PPP2R1A: variants seen among roughly 807,000 people sequenced by gnomAD.
PPP2R1A encodes protein phosphatase 2 scaffold subunit Aalpha, also known as serine/threonine-protein phosphatase 2A 65 kDa regulatory subunit A alpha isoform.
PPP2R1A carries 15 observed loss-of-function variants against 67.1 expected under a neutral mutation model. The ratio of observed to expected loss-of-function variants is 0.22; its 90% CI spans 0.15 to 0.34. The LOEUF (loss-of-function observed/expected upper bound fraction) is 0.34. Ranked by LOEUF, PPP2R1A falls within the 10% of genes least tolerant of loss-of-function variation. The pLI is 1.00. For missense variants in PPP2R1A, 369 were observed against 775.0 expected (o/e 0.48, Z 6.22); for synonymous variants, 337 against 325.0 (o/e 1.04, Z -0.40).
intron 2 of PPP2R1A, among the ~76,000 whole-genome samples, chr19:52,203,064 T>C (rs1311065127): frequency 6.6e-6 from 1 of 152,222 alleles, no homozygotes; most frequent in African/African-American, 2.4e-5. Context: ...CAGCTGAAGG[T>C]TCAGAGTGCT....
In PPP2R1A at chr19:52,200,900, C is replaced by T. The variant is rs13346025; in HGVS notation, c.79-1044C>T. ...CGTTTAGGATGATATTATCTGGACA[C>T]ACTTAACTACGTCTGCAAAGACTGT... On this transcript the variant is annotated intron_variant, in intron 1 of 14. Coordinates refer to ENST00000322088, the MANE Select transcript of PPP2R1A (RefSeq NM_014225.6). Among the ~76,000 whole-genome samples, 969 of 151,572 alleles carry T rather than the reference C, an allele frequency of 6.4e-3. 13 individuals carry two copies. Among genetic ancestry groups the T allele is most frequent in the African/African-American group, 0.023 (933 of 40,826 alleles).
intron 1 of PPP2R1A, among the ~76,000 whole-genome samples, chr19:52,195,161 A>C (rs2089486987): frequency 6.6e-6 from 1 of 152,112 alleles, no homozygotes; most frequent in African/African-American, 2.4e-5. Flanking sequence ...GTGGATCTTC[A>C]AAAGTGGGTC....
rs1235909935 is a variant in PPP2R1A at position 52,201,963 on chromosome 19, A to G, written c.98A>G (p.Lys33Arg). 1 of 1,614,124 alleles carries G rather than the reference A, an allele frequency of 6.2e-7. No individual in the cohort carries two copies. Among genetic ancestry groups the G allele is most frequent in the Non-Finnish European group, 8.5e-7 (1 of 1,180,012 alleles). ...CATTAGCTTCGCCTCAACAGCATCA[A>G]GAAGCTGTCCACCATCGCCTTGGCC... ...EDVQLRLNSI[K>R]KLSTIALALG... Residue 33 changes from lysine to arginine, a missense_variant, in exon 2 of 15, where the codon AAG (lysine) becomes AGG (arginine). Coordinates refer to ENST00000322088, the MANE Select transcript of PPP2R1A (RefSeq NM_014225.6).
intron 1 of PPP2R1A, chr19:52,201,173 A>G (rs2089544594): frequency 6.6e-6 from 1 of 151,882 alleles, no homozygotes; most frequent in Non-Finnish European, 1.5e-5. Flanking sequence ...ACACTTAACT[A>G]CGCCTGCAAA....
chr19:52,190,445 G>C (rs112838872), intron 1 of PPP2R1A, among the ~76,000 whole-genome samples: 8,953 of 152,324 alleles, frequency 0.059, 373 homozygotes, highest in African/African-American at 0.12. Flanking sequence ...GGAGGTTGTG[G>C]CCAGGGCTGG....
At position 52,227,351 on chromosome 19, in the gene PPP2R1A, C is replaced by G. The variant is rs1979324842; in HGVS notation, c.*1370C>G. On this transcript the variant is annotated 3_prime_UTR_variant, in exon 15 of 15. Coordinates refer to ENST00000322088, the MANE Select transcript of PPP2R1A (RefSeq NM_014225.6). ...GGCGTGAAGGTCAAGTAAGGCAGGACAAGAGAGAAGGAGCCTGCCTCCCCG... is the reference window on the plus strand; with the variant it reads ...GGCGTGAAGGTCAAGTAAGGCAGGAGAAGAGAGAAGGAGCCTGCCTCCCCG... 1 of 152,128 alleles carries G rather than the reference C, an allele frequency of 6.6e-6. No homozygotes were observed. The highest frequency in any genetic ancestry group is 1.5e-5 in the Non-Finnish European group (1 of 68,064). 9.4% of individuals were successfully genotyped at this position (152,128 alleles called of 1,614,324 possible). A position where few individuals can be genotyped will look rare whatever the true frequency, so the allele number is the denominator to read the frequency against.
In PPP2R1A at chr19:52,227,648, C is replaced by A. The variant is rs765446811; in HGVS notation, c.*1667C>A. On this transcript the variant is annotated 3_prime_UTR_variant, in exon 15 of 15. Transcript: ENST00000322088. ...TGACAAGGTGATTTCACCAGCTCAG[C>A]CTTCATATTACCACATCCCTACCCT... The A allele has an allele frequency of 1.3e-5, 2 of 152,120 alleles. No individual in the cohort carries two copies. Among genetic ancestry groups the A allele is most frequent in the Admixed American group, 1.3e-4 (2 of 15,270 alleles). The allele number at this position is 152,120 out of a possible 1,614,324, so 9.4% of individuals were successfully genotyped here.
chr19:52,222,101 G>T lies in PPP2R1A; in HGVS notation c.1521G>T (p.Val507=). The change falls in exon 13 of 15, where the codon GTG becomes GTT. Residue 507 remains valine (V), a splice_region_variant and synonymous_variant. Transcript: ENST00000322088. The part of the protein sequence containing the change: ...HRMTTLFCIN[V]LSEVCGQDIT... ...CCCTGCCACTCACTGGCCCCCAGGT[G>T]CTGTCTGAGGTCTGTGGGCAGGACA... is the stretch of plus-strand genomic sequence containing the variant. 6.2e-7 allele frequency: 1 copy of T among 1,609,996 alleles called. No individual in the cohort carries two copies. The highest frequency in any genetic ancestry group is 1.3e-5 in the African/African-American group (1 of 75,004).
Position 52,211,614 on chromosome 19 carries a change from C to A in PPP2R1A, c.503+122C>A. 1.0e-6 allele frequency: 1 copy of A among 982,300 alleles called. No individual in the cohort carries two copies. The highest frequency in any genetic ancestry group is 1.5e-6 in the Non-Finnish European group (1 of 673,776). 60.8% of individuals were successfully genotyped at this position (982,300 alleles called of 1,614,324 possible). On this transcript the variant is annotated intron_variant, in intron 4 of 14. Coordinates refer to ENST00000322088, the MANE Select transcript of PPP2R1A (RefSeq NM_014225.6). This position sits in a 1 kb window ranked among gnomAD's most constrained non-coding sequence, Gnocchi z 5.3. ...CCCCTGAACTCTCTCCACTCCCACT[C>A]CTGCTTACCACCTGATAGGCCACAT... is the stretch of plus-strand genomic sequence containing the variant.
rs1483581146 is a variant in PPP2R1A at position 52,226,454 on chromosome 19, G to A, written c.*473G>A. ...TGGCCTTAGTCATCAGCTTGGAGGA[G>A]GGGGCACCACCCCAGAGCCACAACA... On this transcript the variant is annotated 3_prime_UTR_variant, in exon 15 of 15. Coordinates refer to ENST00000322088, the MANE Select transcript of PPP2R1A (RefSeq NM_014225.6). 8.0e-6 allele frequency: 2 copies of A among 249,178 alleles called. No individual in the cohort carries two copies. Among genetic ancestry groups the A allele is most frequent in the Non-Finnish European group, 1.6e-5 (2 of 128,354 alleles). The allele number at this position is 249,178 out of a possible 1,614,324, so 15.4% of individuals were successfully genotyped here. A position where few individuals can be genotyped will look rare whatever the true frequency, so the allele number is the denominator to read the frequency against.
At chr19:52,217,653 A>T (rs1028787398) in intron 9 of PPP2R1A, among the ~76,000 whole-genome samples, 4 of 152,164 alleles carry the variant, frequency 2.6e-5, no homozygotes, top group Non-Finnish European at 5.9e-5. Context: ...AGACCCCAGA[A>T]TACATTCTGG....
intron 1 of PPP2R1A, chr19:52,201,579 G>GTATCA: frequency 5.1e-6 from 1 of 194,654 alleles, no homozygotes; most frequent in South Asian, 1.1e-4. Flanking sequence ...GGCTGCTGCT[G>GTATCA]TTAAAGTACA....
In PPP2R1A at chr19:52,216,591, C is replaced by G. The variant is rs749256759; in HGVS notation, c.1056C>G (p.Leu352=). 2 of 1,614,146 alleles carry G rather than the reference C, an allele frequency of 1.2e-6. No individual in the cohort carries two copies. The highest frequency in any genetic ancestry group is 2.2e-5 in the East Asian group (1 of 44,866). Residue 352 remains leucine, a synonymous_variant, in exon 9 of 15, where the codon CTC becomes CTG. Coordinates refer to ENST00000322088, the MANE Select transcript of PPP2R1A (RefSeq NM_014225.6). The surrounding 1 kb of genome is among the most constrained non-coding windows in gnomAD (Gnocchi z 4.3). ...CCCTGGCCTCAGTCATCATGGGTCT[C>G]TCTCCCATCTTGGGCAAAGACAACA... ...KSALASVIMG[L]SPILGKDNTI...
At chr19:52,215,728 G>A in intron 6 of PPP2R1A, 51 bp from the exon 7 acceptor site, 1 of 1,517,996 alleles carries the variant, frequency 6.6e-7, no homozygotes, top group Non-Finnish European at 9.1e-7. Context: ...CCTTAGCCCA[G>A]AGTAAACTGC....
intron 12 of PPP2R1A, 49 bp from the exon 13 acceptor site, chr19:52,222,050 G>T: frequency 6.5e-7 from 1 of 1,534,064 alleles, no homozygotes; most frequent in Non-Finnish European, 8.8e-7. Flanking sequence ...GGAAATGAGA[G>T]TTAGCCAGGA....
At chr19:52,206,146 T>C (rs2122312893) in intron 3 of PPP2R1A, 83 bp downstream of exon 3, 4 of 1,256,916 alleles carry the variant, frequency 3.2e-6, no homozygotes, top group Non-Finnish European at 4.6e-6. Context: ...GAGGGGAGCG[T>C]GTCAGAGAGC....
Position 52,219,411 on chromosome 19 carries a change from G to C in PPP2R1A, c.1129-280G>C, listed in dbSNP as rs138791577. Among the ~76,000 whole-genome samples, 65 of 152,300 alleles carry C rather than the reference G, an allele frequency of 4.3e-4. No homozygotes were observed. The East Asian group carries it at 0.01, about 24-fold the overall frequency. On this transcript the variant is annotated intron_variant, in intron 9 of 14. Coordinates refer to ENST00000322088, the MANE Select transcript of PPP2R1A (RefSeq NM_014225.6). This position sits in a 1 kb window ranked among gnomAD's most constrained non-coding sequence, Gnocchi z 4.0. ...GAATCATGTCTGCCTGTTTTTTCCA[G>C]GGTGCTGTATTTTCCTACTGTGATT...
chr19:52,226,120 TTCC>T lies in PPP2R1A; in HGVS notation c.*145_*147del. The T allele has an allele frequency of 1.5e-6, 2 of 1,316,334 alleles. No homozygotes were observed. The highest frequency in any genetic ancestry group is 2.1e-6 in the Non-Finnish European group (2 of 934,124). The allele number at this position is 1,316,334 out of a possible 1,614,324, so 81.5% of individuals were successfully genotyped here. ...CCCCAGGCCCCTTCCCCCAGCACGG[TTCC>T]TCCTCTCCCCAGCCTGGGAAGATGT... On this transcript the variant is annotated 3_prime_UTR_variant, in exon 15 of 15. Transcript: ENST00000322088.
At chr19:52,221,461 G>A (rs1299266252) in intron 12 of PPP2R1A, among the ~76,000 whole-genome samples, 1 of 152,204 alleles carries the variant, frequency 6.6e-6, no homozygotes, top group Admixed American at 6.5e-5. Context: ...GGTGCGTTGG[G>A]TGAGTGTATG....
Sources: allele counts gnomAD v4.1 joint callset (sites outside exome capture counted in the v4.1 genomes callset), GRCh38; gene constraint gnomAD v4.1.1; non-coding constraint Gnocchi (gnomAD v3.1); transcripts MANE v1.5; gene names NCBI Gene and HGNC (gene_info 2026-07-23, HGNC 2026-07-21).